MAPKAP1: variants seen among roughly 807,000 people sequenced by gnomAD.
MAPKAP1 encodes the protein target of rapamycin complex 2 subunit MAPKAP1.
In MAPKAP1, 20 loss-of-function variants were observed where a neutral mutation model predicts 65.7. The ratio of observed to expected loss-of-function variants is 0.30; its 90% CI spans 0.21 to 0.44. The LOEUF (loss-of-function observed/expected upper bound fraction) is 0.44, where lower values mean the gene tolerates loss of function less well. Ranked by LOEUF, MAPKAP1 falls within the 20% of genes least tolerant of loss-of-function variation. The pLI is 1.00. For synonymous variants in MAPKAP1, 222 were observed against 244.3 expected (o/e 0.91, Z 0.85); for missense variants, 423 against 648.0 (o/e 0.65, Z 3.77).
chr9:125,544,830 A>G (rs1019712062), intron 6 of MAPKAP1, among the ~76,000 whole-genome samples: 3 of 152,258 alleles, frequency 2.0e-5, no homozygotes, highest in African/African-American at 7.2e-5. Flanking sequence ...TCCCAATGGT[A>G]GGACAGGCTG....
At chr9:125,500,759 C>G (rs1378136700) in intron 8 of MAPKAP1, among the ~76,000 whole-genome samples, 2 of 152,040 alleles carry the variant, frequency 1.3e-5, no homozygotes, top group Non-Finnish European at 2.9e-5. Flanking sequence ...TATTACATAT[C>G]CAAGAAATTT....
intron 6 of MAPKAP1, among the ~76,000 whole-genome samples, chr9:125,543,635 T>G (rs1042629112): frequency 7.2e-5 from 11 of 152,096 alleles, no homozygotes; most frequent in Non-Finnish European, 1.5e-5. Flanking sequence ...AAAAATAGGT[T>G]GAATAAATAT....
In MAPKAP1 at chr9:125,669,892, C is replaced by A; in HGVS notation, c.275G>T (p.Arg92Leu). The stretch of plus-strand genomic sequence containing the variant: ...CTGGTTTTGTCTCTCTTTTCGGAGT[C>A]GTTCTAATCTTTGAGCTTGAAAAGA... ...RRSNTAQRLERLRKERQNQIK... is the reference protein window; with the variant it reads ...RRSNTAQRLELLRKERQNQIK... The change falls in exon 3 of 12, where the codon CGA (arginine) becomes CTA (leucine). Residue 92 changes from arginine to leucine, a missense_variant. Coordinates refer to ENST00000265960, the MANE Select transcript of MAPKAP1 (RefSeq NM_001006617.3). 7 of 1,588,144 alleles carry A rather than the reference C, an allele frequency of 4.4e-6. No homozygotes were observed. The highest frequency in any genetic ancestry group is 2.6e-6 in the Non-Finnish European group (3 of 1,166,198).
intron 9 of MAPKAP1, among the ~76,000 whole-genome samples, chr9:125,475,352 G>C (rs1025753040): frequency 2.0e-4 from 31 of 152,160 alleles, no homozygotes; most frequent in African/African-American, 7.5e-4. Flanking sequence ...CCATATTTCA[G>C]GTCACAACTA....
intron 8 of MAPKAP1, among the ~76,000 whole-genome samples, chr9:125,504,679 G>C (rs1829086449): frequency 6.6e-6 from 1 of 152,160 alleles, no homozygotes; most frequent in Admixed American, 6.5e-5. Context: ...TGTAATCCCA[G>C]TTACTTGGGA....
At chr9:125,644,766 G>A (rs1833678019) in intron 4 of MAPKAP1, among the ~76,000 whole-genome samples, 1 of 152,142 alleles carries the variant, frequency 6.6e-6, no homozygotes, top group Non-Finnish European at 1.5e-5. Context: ...TGCCGGGGTA[G>A]CAAAACTGAC....
At chr9:125,461,281 G>C (rs1268567560) in intron 10 of MAPKAP1, among the ~76,000 whole-genome samples, 1 of 152,162 alleles carries the variant, frequency 6.6e-6, no homozygotes, top group African/African-American at 2.4e-5. Flanking sequence ...AATTGTGGTG[G>C]TCCCTCTGGT....
intron 3 of MAPKAP1, among the ~76,000 whole-genome samples, chr9:125,666,619 C>T (rs1270820361): frequency 1.3e-5 from 2 of 152,006 alleles, no homozygotes; most frequent in Non-Finnish European, 2.9e-5. Flanking sequence ...ACAGTGAGAC[C>T]CCCAATTCTT....
intron 1 of MAPKAP1, among the ~76,000 whole-genome samples, chr9:125,699,125 G>C (rs927449599): frequency 3.9e-5 from 6 of 152,018 alleles, no homozygotes; most frequent in Admixed American, 3.9e-4. Flanking sequence ...CAGTATCCTG[G>C]GGATAAGACA....
chr9:125,464,640 T>C (rs773242733), intron 10 of MAPKAP1, among the ~76,000 whole-genome samples: 20 of 152,132 alleles, frequency 1.3e-4, no homozygotes, highest in Admixed American at 1.0e-3. Context: ...GCAATAAATC[T>C]TCCCTCTGAG....
In MAPKAP1 at chr9:125,585,652, G is replaced by A; in HGVS notation, c.574C>T (p.Pro192Ser). The A allele has an allele frequency of 2.5e-6, 4 of 1,614,258 alleles. No homozygotes were observed. The highest frequency in any genetic ancestry group is 2.5e-6 in the Non-Finnish European group (3 of 1,180,054). ...PLHSSQDRLL[P>S]MTVVTMASAR... ...CTGGCCATTGTCACCACGGTCATTGGCAGCAGTCTGTCCTGGCTCGAGTGC... is the reference window on the plus strand; with the variant it reads ...CTGGCCATTGTCACCACGGTCATTGACAGCAGTCTGTCCTGGCTCGAGTGC... The change falls in exon 5 of 12, where the codon CCA (proline) becomes TCA (serine). Residue 192 changes from proline (P) to serine (S), a missense_variant. Around this residue, in one of 6 missense-constraint regions of MAPKAP1, gnomAD observed 98 missense variants for 200.5 expected, o/e 0.49. Coordinates refer to ENST00000265960, the MANE Select transcript of MAPKAP1 (RefSeq NM_001006617.3).
chr9:125,439,134 G>C lies in MAPKAP1; in HGVS notation c.1444-122C>G. On this transcript the variant is annotated intron_variant, in intron 11 of 11. Transcript: ENST00000265960. This position sits in a 1 kb window ranked among gnomAD's most constrained non-coding sequence, Gnocchi z 4.0. ...GGGTGCCTCAGGGCCAGGTGCTGTC[G>C]TGTGGAAGGAGTCCAGTCATCACAG... The C allele has an allele frequency of 9.2e-7, 1 of 1,091,596 alleles. No individual in the cohort carries two copies. The highest frequency in any genetic ancestry group is 1.3e-6 in the Non-Finnish European group (1 of 770,470). 67.6% of individuals were successfully genotyped at this position (1,091,596 alleles called of 1,614,324 possible).
intron 1 of MAPKAP1, among the ~76,000 whole-genome samples, chr9:125,676,508 A>C (rs1834648665): frequency 6.6e-6 from 1 of 151,454 alleles, no homozygotes; most frequent in African/African-American, 2.4e-5. Context: ...CGCTAAGTGA[A>C]ATAAGCCAGT....
chr9:125,639,596 G>T (rs931229607), intron 4 of MAPKAP1, among the ~76,000 whole-genome samples: 11 of 152,156 alleles, frequency 7.2e-5, no homozygotes, highest in African/African-American at 2.7e-4. Context: ...ACAGGGAAGT[G>T]GGGGAGAGAG....
chr9:125,677,013 A>C (rs1336025025), intron 1 of MAPKAP1, among the ~76,000 whole-genome samples: 3 of 152,212 alleles, frequency 2.0e-5, no homozygotes, highest in Non-Finnish European at 2.9e-5. Context: ...AGGAATACTA[A>C]ACATATCAAT....
intron 6 of MAPKAP1, among the ~76,000 whole-genome samples, chr9:125,546,586 C>T (rs1589276203): frequency 6.6e-6 from 1 of 152,312 alleles, no homozygotes; most frequent in East Asian, 1.9e-4. Context: ...TTTTATGCCT[C>T]ATTTCTTTAT....
intron 10 of MAPKAP1, among the ~76,000 whole-genome samples, chr9:125,446,612 G>C (rs1278486182): frequency 1.3e-5 from 2 of 152,106 alleles, no homozygotes; most frequent in Non-Finnish European, 2.9e-5. Flanking sequence ...AGGACACAGG[G>C]CTGTGAAGGA....
At chr9:125,583,859 C>T (rs900326906) in intron 5 of MAPKAP1, among the ~76,000 whole-genome samples, 7 of 152,224 alleles carry the variant, frequency 4.6e-5, no homozygotes, top group African/African-American at 1.4e-4. Flanking sequence ...GTCAGGAGAT[C>T]GAGACCATCC....
At chr9:125,671,745 C>G (rs1834503566) in intron 2 of MAPKAP1, among the ~76,000 whole-genome samples, 1 of 152,062 alleles carries the variant, frequency 6.6e-6, no homozygotes, top group Non-Finnish European at 1.5e-5. Flanking sequence ...AAAAGGTGAT[C>G]AATTTAAGAA....
Sources: gnomAD v4.1 joint callset for allele counts (sites outside exome capture counted in the v4.1 genomes callset) on GRCh38, gnomAD v4.1.1 for gene constraint, gnomAD v4.1.1 regional missense constraint, Gnocchi (gnomAD v3.1) non-coding constraint, MANE v1.5 for transcripts, NCBI Gene and HGNC (gene_info 2026-07-23, HGNC 2026-07-21) for gene names.